CRAT: variants seen among roughly 807,000 people sequenced by gnomAD.
The protein encoded by CRAT is carnitine acetylase.
A neutral mutation model predicts 73.7 loss-of-function variants in CRAT; 66 were observed. That is an observed-to-expected ratio of 0.90 (90% CI 0.73 to 1.10). The LOEUF (loss-of-function observed/expected upper bound fraction) is 1.10, where lower values mean the gene tolerates loss of function less well. Among genes scored for constraint, CRAT ranks in the 50% least tolerant of loss-of-function variants. The pLI is 0.00. For missense variants in CRAT, 745 were observed against 846.9 expected (o/e 0.88, Z 1.49); for synonymous variants, 321 against 343.2 (o/e 0.94, Z 0.71).
rs1274486614 is a variant in CRAT at position 129,107,574 on chromosome 9, A to C, written c.291+240T>G. 1.4e-6 allele frequency: 1 copy of C among 694,494 alleles called. No homozygotes were observed. The highest frequency in any genetic ancestry group is 2.6e-6 in the Non-Finnish European group (1 of 379,194). The allele number at this position is 694,494 out of a possible 1,614,324, so 43.0% of individuals were successfully genotyped here. A position where few individuals can be genotyped will look rare whatever the true frequency, so the allele number is the denominator to read the frequency against. Reference sequence around the variant, plus strand: ...TCCTGCCTCTGTCCTGGAACATGAAACCTTGTCCACAACCTGTATCCTGTT... The same window carrying C: ...TCCTGCCTCTGTCCTGGAACATGAACCCTTGTCCACAACCTGTATCCTGTT... On this transcript the variant is annotated intron_variant, in intron 2 of 13. Transcript: ENST00000318080. The surrounding 1 kb of genome is among the most constrained non-coding windows in gnomAD (Gnocchi z 5.0).
intron 12 of CRAT, among the ~76,000 whole-genome samples, chr9:129,096,342 A>AAAGTGCAGGGTTG (rs1201113499): frequency 2.6e-5 from 4 of 152,252 alleles, no homozygotes; most frequent in African/African-American, 9.6e-5. Context: ...GGGAGGCAGG[A>AAAGTGCAGGGTTG]AAGTGCAGGG....
In CRAT at chr9:129,107,786, AG is replaced by A. The variant is rs1183590292; in HGVS notation, c.291+27del. The A allele has an allele frequency of 6.2e-7, 1 of 1,613,122 alleles. No homozygotes were observed. ...GAACTGTGCATGTGCAGCCAGCAGCAGGTCACAGTGAGGATGCCCTCACTCA... is the reference window on the plus strand; with the variant it reads ...GAACTGTGCATGTGCAGCCAGCAGCAGTCACAGTGAGGATGCCCTCACTCA... On this transcript the variant is annotated intron_variant, in intron 2 of 13. Transcript: ENST00000318080. The surrounding 1 kb of genome is among the most constrained non-coding windows in gnomAD (Gnocchi z 5.0).
Position 129,110,498 on chromosome 9 carries a change from G to T in CRAT, c.12C>A (p.Phe4Leu). The T allele has an allele frequency of 1.3e-6, 2 of 1,582,758 alleles. No homozygotes were observed. Among genetic ancestry groups the T allele is most frequent in the Non-Finnish European group, 1.7e-6 (2 of 1,171,066 alleles). Residue 4 changes from phenylalanine to leucine, a missense_variant, in exon 1 of 14, where the codon TTC becomes TTA. Physicochemically the swap from Phe to Leu is conservative, Grantham distance 22. Coordinates refer to ENST00000318080, the MANE Select transcript of CRAT (RefSeq NM_000755.5). This position sits in a 1 kb window ranked among gnomAD's most constrained non-coding sequence, Gnocchi z 5.3. ...CCGCACTCACCACGGTCCTGGCAGC[G>T]AAGGCTAACATCTTCGCTGCCCGTC... MLA[F>L]AARTVVKPLG...
At chr9:129,099,795 C>A in intron 8 of CRAT, 71 bp downstream of exon 8, 1 of 1,193,406 alleles carries the variant, frequency 8.4e-7, no homozygotes, top group Non-Finnish European at 1.2e-6. Flanking sequence ...TCTCTATAAG[C>A]TGGTCTATCA....
At chr9:129,102,270 CA>C (rs1257655382) in intron 5 of CRAT, 129 bp downstream of exon 5, 3 of 1,376,782 alleles carry the variant, frequency 2.2e-6, no homozygotes, top group African/African-American at 1.4e-5. Context: ...ATGGAGAAGC[CA>C]GGGGCGCCCA....
At chr9:129,109,016 G>C (rs1848200290) in intron 1 of CRAT, 18 of 1,228,970 alleles carry the variant, frequency 1.5e-5, no homozygotes, top group Non-Finnish European at 1.9e-5. Flanking sequence ...GACTCTAGAA[G>C]CTGCTCCACC....
intron 9 of CRAT, 62 bp downstream of exon 9, chr9:129,098,468 CT>C (rs1847432824): frequency 6.3e-7 from 1 of 1,588,208 alleles, no homozygotes; most frequent in Middle Eastern, 1.7e-4. Context: ...GCACAGGAGC[CT>C]CTCAAGCTCA....
chr9:129,107,622 C>G lies in CRAT; in HGVS notation c.291+192G>C. The stretch of plus-strand genomic sequence containing the variant: ...GTTCATTACCTTTCTCTCCTCCCTA[C>G]TTGAATGTTAGCTCCAAGGAGCTGG... On this transcript the variant is annotated intron_variant, in intron 2 of 13. Coordinates refer to ENST00000318080, the MANE Select transcript of CRAT (RefSeq NM_000755.5). The surrounding 1 kb of genome is among the most constrained non-coding windows in gnomAD (Gnocchi z 5.0). The G allele has an allele frequency of 1.3e-6, 1 of 788,042 alleles. No homozygotes were observed. The highest frequency in any genetic ancestry group is 2.2e-6 in the Non-Finnish European group (1 of 450,242). 48.8% of individuals were successfully genotyped at this position (788,042 alleles called of 1,614,324 possible). A position where few individuals can be genotyped will look rare whatever the true frequency, so the allele number is the denominator to read the frequency against.
At chr9:129,095,843 C>A (rs550911516) in intron 13 of CRAT, among the ~76,000 whole-genome samples, 155 bp downstream of exon 13, 1 of 152,390 alleles carries the variant, frequency 6.6e-6, no homozygotes, top group South Asian at 2.1e-4. Flanking sequence ...GACCCCTTCT[C>A]AGCCTGCCTG....
chr9:129,108,037 T>C lies in CRAT; in HGVS notation c.68A>G (p.Lys23Arg). ...LGFLKPFSLM[K>R]ASSRFKAHQD... ...GTGTGCCTTGAAGCGGCTGGAAGCC[T>C]TCATCAAGGAGAAGGGCTTCAGGAA... Residue 23 changes from lysine to arginine, a missense_variant, in exon 2 of 14, where the codon AAG becomes AGG. Transcript: ENST00000318080. 1 of 1,542,552 alleles carries C rather than the reference T, an allele frequency of 6.5e-7. No homozygotes were observed. Among genetic ancestry groups the C allele is most frequent in the Non-Finnish European group, 8.7e-7 (1 of 1,147,706 alleles).
Position 129,102,900 on chromosome 9 carries a change from GCAGGGCC to G in CRAT, c.464+106_464+112del. 16 of 996,426 alleles carry G rather than the reference GCAGGGCC, an allele frequency of 1.6e-5. No homozygotes were observed. The South Asian group carries it at 2.0e-4, about 13-fold the overall frequency. 61.7% of individuals were successfully genotyped at this position (996,426 alleles called of 1,614,324 possible). On this transcript the variant is annotated intron_variant, in intron 4 of 13. Transcript: ENST00000318080. ...CCAAGAGGAGATTCCAGCAGCTGGA[GCAGGGCC>G]CAGGGCCCAAGCTGGCATGCCGGGC...
rs1309984395 is a variant in CRAT at position 129,098,518 on chromosome 9, G to A, written c.1205+13C>T. ...ACCCATCCAGCACAGGGATGGCGGG[G>A]GCAGGCACTTACATGCTGAGGTTCT... On this transcript the variant is annotated intron_variant, in intron 9 of 13. Coordinates refer to ENST00000318080, the MANE Select transcript of CRAT (RefSeq NM_000755.5). 1 of 1,604,696 alleles carries A rather than the reference G, an allele frequency of 6.2e-7. No homozygotes were observed. Among genetic ancestry groups the A allele is most frequent in the East Asian group, 2.2e-5 (1 of 44,742 alleles).
rs1848347739 is a variant in CRAT at position 129,110,404 on chromosome 9, C to T, written c.27+79G>A. 7.2e-7 allele frequency: 1 copy of T among 1,396,198 alleles called. No individual in the cohort carries two copies. Among genetic ancestry groups the T allele is most frequent in the East Asian group, 2.9e-5 (1 of 34,904 alleles). 86.5% of individuals were successfully genotyped at this position (1,396,198 alleles called of 1,614,324 possible). ...CGGGTCGAACAGCGGCCGCAGGACG[C>T]GGTCTCCGTTCCCGGACGCAACCGC... On this transcript the variant is annotated intron_variant, in intron 1 of 13. Coordinates refer to ENST00000318080, the MANE Select transcript of CRAT (RefSeq NM_000755.5). The surrounding 1 kb of genome is among the most constrained non-coding windows in gnomAD (Gnocchi z 5.3).
At chr9:129,102,325 G>A in intron 5 of CRAT, 75 bp downstream of exon 5, 1 of 1,582,796 alleles carries the variant, frequency 6.3e-7, no homozygotes. Flanking sequence ...CCCCAGTGGG[G>A]AAGCCGACTG....
rs559727038 is a variant in CRAT, at chr9:129,106,604, C to T, written c.291+1210G>A. 3.9e-5 allele frequency among the ~76,000 whole-genome samples: 6 copies of T among 152,270 alleles called. No individual in the cohort carries two copies. The highest frequency in any genetic ancestry group is 5.9e-5 in the Non-Finnish European group (4 of 68,018). On this transcript the variant is annotated intron_variant, in intron 2 of 13. Coordinates refer to ENST00000318080, the MANE Select transcript of CRAT (RefSeq NM_000755.5). This position sits in a 1 kb window ranked among gnomAD's most constrained non-coding sequence, Gnocchi z 4.0. ...AGTCGGAAAACCACCAGCCCCCAGACGCTCTAAGGACCTTTCGGGGGAAGC... is the reference window on the plus strand; with the variant it reads ...AGTCGGAAAACCACCAGCCCCCAGATGCTCTAAGGACCTTTCGGGGGAAGC...
intron 2 of CRAT, 104 bp from the exon 3 acceptor site, chr9:129,104,410 T>C: frequency 2.5e-6 from 2 of 807,758 alleles, no homozygotes; most frequent in Non-Finnish European, 4.0e-6. Flanking sequence ...TCTACCTGGC[T>C]ATGGAGATTC....
At chr9:129,100,156 C>G in intron 7 of CRAT, 190 bp from the exon 8 acceptor site, 2 of 587,658 alleles carry the variant, frequency 3.4e-6, no homozygotes, top group South Asian at 4.3e-5. Context: ...CCACGCTCAG[C>G]GTGCCTGACT....
At chr9:129,104,825 C>T (rs574520278) in intron 2 of CRAT, among the ~76,000 whole-genome samples, 11 of 150,370 alleles carry the variant, frequency 7.3e-5, no homozygotes, top group African/African-American at 1.5e-4. Flanking sequence ...AGGATGGTCT[C>T]GATTTCCTGA....
chr9:129,109,835 C>T (rs995296637), intron 1 of CRAT, among the ~76,000 whole-genome samples: 2 of 135,032 alleles, frequency 1.5e-5, no homozygotes, highest in South Asian at 2.6e-4. Context: ...GGCTGCTCAC[C>T]GGGGAGGACT....
Sources: allele counts gnomAD v4.1 joint callset (sites outside exome capture counted in the v4.1 genomes callset), GRCh38; gene constraint gnomAD v4.1.1; non-coding constraint Gnocchi (gnomAD v3.1); transcripts MANE v1.5; gene names NCBI Gene and HGNC (gene_info 2026-07-23, HGNC 2026-07-21).